DLD: variants seen among roughly 807,000 people sequenced by gnomAD.
The protein encoded by DLD is dihydrolipoamide dehydrogenase.
In DLD, 36 loss-of-function variants were observed where a neutral mutation model predicts 62.2. That is an observed-to-expected ratio of 0.58 (90% CI 0.44 to 0.76). DLD has a LOEUF of 0.76. Among genes scored for constraint, DLD ranks in the 30% least tolerant of loss-of-function variants. The probability of loss-of-function intolerance (pLI) is 0.00; values close to 1 mark genes in which losing one functional copy is unlikely to be tolerated. For synonymous variants in DLD, 204 were observed against 199.6 expected (o/e 1.02, Z -0.19); for missense variants, 541 against 608.6 (o/e 0.89, Z 1.17).
At chr7:107,898,332 G>C (rs2031785775) in intron 2 of DLD, among the ~76,000 whole-genome samples, 1 of 122,012 alleles carries the variant, frequency 8.2e-6, no homozygotes, top group Non-Finnish European at 1.6e-5. Flanking sequence ...GGCTGGAGTA[G>C]TTCAGTGACA....
chr7:107,914,174 A>C (rs1203608684), intron 8 of DLD, among the ~76,000 whole-genome samples: 1 of 152,088 alleles, frequency 6.6e-6, no homozygotes, highest in African/African-American at 2.4e-5. Context: ...AGCATTTTTT[A>C]ATGTACTTAC....
intron 1 of DLD, 128 bp downstream of exon 1, chr7:107,891,417 C>G: frequency 2.9e-6 from 3 of 1,047,684 alleles, no homozygotes; most frequent in Non-Finnish European, 4.4e-6. Flanking sequence ...ACCCCTGGCC[C>G]CGCCTCTGCA....
At chr7:107,905,800 G>T (rs914846970) in intron 7 of DLD, 2 of 413,556 alleles carry the variant, frequency 4.8e-6, no homozygotes, top group Non-Finnish European at 8.8e-6. Flanking sequence ...ATGAAATTAG[G>T]TATATAGATA....
chr7:107,903,868 A>G, intron 5 of DLD: 1 of 278,914 alleles, frequency 3.6e-6, no homozygotes, highest in Non-Finnish European at 7.0e-6. Flanking sequence ...TCTGGAAATC[A>G]CTGAGAAGGC....
chr7:107,914,258 A>G (rs2032211867), intron 8 of DLD, among the ~76,000 whole-genome samples: 1 of 152,098 alleles, frequency 6.6e-6, no homozygotes, highest in African/African-American at 2.4e-5. Flanking sequence ...AATTTGGAGA[A>G]TTCTTTATAT....
intron 8 of DLD, among the ~76,000 whole-genome samples, chr7:107,909,069 G>A (rs1405360690): frequency 2.0e-5 from 3 of 152,130 alleles, no homozygotes; most frequent in Non-Finnish European, 4.4e-5. Flanking sequence ...TATACTTCTT[G>A]TAATGTAATG....
intron 3 of DLD, 30 bp from the exon 4 acceptor site, chr7:107,902,295 G>T (rs1391903762): frequency 6.4e-7 from 1 of 1,574,130 alleles, no homozygotes; most frequent in African/African-American, 1.3e-5. Context: ...GAGGTTATGT[G>T]CAGTTAAATA....
Position 107,914,636 on chromosome 7 carries a change from A to G in DLD, c.685-870A>G, listed in dbSNP as rs191756972. Among the ~76,000 whole-genome samples the G allele has an allele frequency of 1.4e-3, 209 of 152,322 alleles. 1 individual carries two copies. The highest frequency in any genetic ancestry group is 4.1e-4 in the South Asian group (2 of 4,832). On this transcript the variant is annotated intron_variant, in intron 8 of 13. Transcript: ENST00000205402. ...ACTAGAAATTAATGAGATTTTTTAAATGAACGCCCACACCTAATTTAGGGA... is the reference window on the plus strand; with the variant it reads ...ACTAGAAATTAATGAGATTTTTTAAGTGAACGCCCACACCTAATTTAGGGA...
Position 107,920,919 on chromosome 7 carries a change from G to GAT in DLD, c.*1663_*1664dup, listed in dbSNP as rs2116285687. 1 of 152,438 alleles carries GAT rather than the reference G, an allele frequency of 6.6e-6. No individual in the cohort carries two copies. The highest frequency in any genetic ancestry group is 2.1e-4 in the South Asian group (1 of 4,826). 9.4% of individuals were successfully genotyped at this position (152,438 alleles called of 1,614,324 possible). On this transcript the variant is annotated 3_prime_UTR_variant, in exon 14 of 14. Transcript: ENST00000205402. ...TTGCTATCAGCAGGAGGGTTGGTCTGATATCTGTGTGCTACTTTGCCATTA... is the reference window on the plus strand; with the variant it reads ...TTGCTATCAGCAGGAGGGTTGGTCTGATATATCTGTGTGCTACTTTGCCATTA...
At chr7:107,897,596 T>G (rs2031759950) in intron 2 of DLD, among the ~76,000 whole-genome samples, 1 of 123,282 alleles carries the variant, frequency 8.1e-6, no homozygotes, top group African/African-American at 2.9e-5. Flanking sequence ...TTTTTTTTTT[T>G]GAAACTTGGT....
chr7:107,914,219 G>A (rs1038631856), intron 8 of DLD, among the ~76,000 whole-genome samples: 8 of 151,984 alleles, frequency 5.3e-5, no homozygotes, highest in African/African-American at 1.9e-4. Flanking sequence ...TCAGACATTT[G>A]TCCATTTTTT....
chr7:107,909,342 C>A (rs2032084686), intron 8 of DLD, among the ~76,000 whole-genome samples: 1 of 152,152 alleles, frequency 6.6e-6, no homozygotes, highest in African/African-American at 2.4e-5. Context: ...GGCATGCAGT[C>A]CCATCATCTG....
Position 107,917,327 on chromosome 7 carries a change from G to A in DLD, c.1101G>A (p.Glu367=), listed in dbSNP as rs377345899. ...VAGPMLAHKA[E]DEGIICVEGM... ...GTCCAATGCTGGCTCACAAAGCAGA[G>A]GATGAAGGCATTATCTGTGTTGAAG... The change falls in exon 11 of 14, where the codon GAG becomes GAA. Residue 367 remains glutamate (E), a synonymous_variant. Coordinates refer to ENST00000205402, the MANE Select transcript of DLD (RefSeq NM_000108.5). 35 of 1,614,142 alleles carry A rather than the reference G, an allele frequency of 2.2e-5. No individual in the cohort carries two copies. The East Asian group carries it at 3.1e-4, about 14-fold the overall frequency.
At chr7:107,904,544 A>G (rs144515624) in intron 5 of DLD, 91 of 376,618 alleles carry the variant, frequency 2.4e-4, no homozygotes, top group African/African-American at 1.8e-3. Flanking sequence ...AAGCTTCTGT[A>G]TTTGAAATTT....
chr7:107,915,630 T>C lies in DLD; in HGVS notation c.809T>C (p.Phe270Ser). The change falls in exon 9 of 14, where the codon TTT becomes TCT. Residue 270 changes from phenylalanine (F) to serine (S), a missense_variant. Coordinates refer to ENST00000205402, the MANE Select transcript of DLD (RefSeq NM_000108.5). ...CAACGCATCCTTCAAAAACAGGGGTTTAAATTTAAATTGAATACAAAGGTT... is the reference window on the plus strand; with the variant it reads ...CAACGCATCCTTCAAAAACAGGGGTCTAAATTTAAATTGAATACAAAGGTT... ...NFQRILQKQG[F>S]KFKLNTKVTG... 3 of 1,613,778 alleles carry C rather than the reference T, an allele frequency of 1.9e-6. No homozygotes were observed. The highest frequency in any genetic ancestry group is 2.5e-6 in the Non-Finnish European group (3 of 1,179,868).
Position 107,917,039 on chromosome 7 carries a change from T to G in DLD, c.1046+75T>G, listed in dbSNP as rs2032287932. 4 of 1,471,906 alleles carry G rather than the reference T, an allele frequency of 2.7e-6. No homozygotes were observed. In the Admixed American group the frequency reaches 5.4e-5, roughly 20 times the overall value. The allele number at this position is 1,471,906 out of a possible 1,614,324, so 91.2% of individuals were successfully genotyped here. A position where few individuals can be genotyped will look rare whatever the true frequency, so the allele number is the denominator to read the frequency against. The stretch of plus-strand genomic sequence containing the variant: ...AACAGTATTTTGAAAAGTAAGATTT[T>G]TATGCTTAAAATATGTATTGGCTTT... On this transcript the variant is annotated intron_variant, in intron 10 of 13. Coordinates refer to ENST00000205402, the MANE Select transcript of DLD (RefSeq NM_000108.5).
intron 9 of DLD, 40 bp downstream of exon 9, chr7:107,915,736 C>G (rs972300344): frequency 6.4e-7 from 1 of 1,572,710 alleles, no homozygotes; most frequent in Non-Finnish European, 8.7e-7. Context: ...TCATCCCTGT[C>G]TCTTTAAGCA....
chr7:107,896,403 C>T (rs1001173763), intron 2 of DLD, among the ~76,000 whole-genome samples: 2 of 152,190 alleles, frequency 1.3e-5, no homozygotes, highest in Admixed American at 1.3e-4. Flanking sequence ...CCCTAGGCTG[C>T]AGGTGTCATC....
At chr7:107,906,479 C>A in intron 8 of DLD, 111 bp downstream of exon 8, 2 of 729,826 alleles carry the variant, frequency 2.7e-6, no homozygotes, top group African/African-American at 1.8e-5. Flanking sequence ...TTGAGTTTTG[C>A]TTAAACACTT....
Sources: gnomAD v4.1 joint callset for allele counts (sites outside exome capture counted in the v4.1 genomes callset) on GRCh38, gnomAD v4.1.1 for gene constraint, MANE v1.5 for transcripts, NCBI Gene and HGNC (gene_info 2026-07-23, HGNC 2026-07-21) for gene names.